Variants in AFAP1 observed in about 807,000 individuals in gnomAD.
The protein encoded by AFAP1 is actin filament associated protein 1.
A neutral mutation model predicts 93.9 loss-of-function variants in AFAP1; 75 were observed. The ratio of observed to expected loss-of-function variants is 0.80; its 90% CI spans 0.66 to 0.97. AFAP1 has a LOEUF of 0.97. AFAP1 is among the 50% of genes least tolerant of loss of function. The pLI is 0.00. For missense variants in AFAP1, 1,201 were observed against 1,050.8 expected, an observed-to-expected ratio of 1.14 and a Z score of -1.98; for synonymous variants, 517 against 430.7, an observed-to-expected ratio of 1.20 and a Z score of -2.48.
chr4:7,855,620 G>T (rs767861383), intron 3 of AFAP1, 46 bp from the exon 4 acceptor site: 3 of 1,455,526 alleles, frequency 2.1e-6, no homozygotes, highest in Non-Finnish European at 2.9e-6. Context: ...ATGACCATTA[G>T]AAGGAAATTC....
Position 7,768,830 on chromosome 4 carries a change from A to G in AFAP1, c.2418+14T>C. ...GCCCAGGACACCCAGACACCCCCGG[A>G]CATCAGGGCTTACCTTGGCCTTCCG... On this transcript the variant is annotated intron_variant, in intron 17 of 17. Coordinates refer to ENST00000420658, the MANE Select transcript of AFAP1 (RefSeq NM_001134647.2). The G allele has an allele frequency of 6.4e-7, 1 of 1,565,316 alleles. No homozygotes were observed. Among genetic ancestry groups the G allele is most frequent in the Non-Finnish European group, 8.7e-7 (1 of 1,148,568 alleles).
intron 8 of AFAP1, among the ~76,000 whole-genome samples, chr4:7,810,358 T>C (rs1270379502): frequency 6.6e-6 from 1 of 152,168 alleles, no homozygotes; most frequent in East Asian, 1.9e-4. Flanking sequence ...AGTTAATAAT[T>C]AGCCATGCAC....
At chr4:7,790,651 A>G (rs1411289127) in intron 11 of AFAP1, among the ~76,000 whole-genome samples, 3 of 152,236 alleles carry the variant, frequency 2.0e-5, no homozygotes, top group Non-Finnish European at 2.9e-5. Context: ...TACGGATCTT[A>G]TATCTCTTTA....
chr4:7,761,967 C>T lies in AFAP1; in HGVS notation c.*1798G>A, dbSNP rs893190774. The T allele has an allele frequency of 1.3e-5, 2 of 152,180 alleles. No individual in the cohort carries two copies. Among genetic ancestry groups the T allele is most frequent in the African/African-American group, 4.8e-5 (2 of 41,430 alleles). The allele number at this position is 152,180 out of a possible 1,614,324, so 9.4% of individuals were successfully genotyped here. The stretch of plus-strand genomic sequence containing the variant: ...TGTGATGGGCCTCCACGGACTAGGC[C>T]GGGAGGAACGTGCATCAGAGGGGAA... On this transcript the variant is annotated 3_prime_UTR_variant, in exon 18 of 18. Coordinates refer to ENST00000420658, the MANE Select transcript of AFAP1 (RefSeq NM_001134647.2).
chr4:7,767,432 G>A (rs758414764), intron 17 of AFAP1, among the ~76,000 whole-genome samples: 3 of 152,192 alleles, frequency 2.0e-5, no homozygotes, highest in Non-Finnish European at 4.4e-5. Context: ...TCTCTCATCT[G>A]CGAGTCCTAA....
intron 15 of AFAP1, chr4:7,774,530 G>A (rs1715886328): frequency 1.4e-6 from 1 of 720,498 alleles, no homozygotes; most frequent in South Asian, 2.2e-5. Flanking sequence ...CCTGGCCTCT[G>A]CCTGCACGCC....
chr4:7,913,516 T>C (rs938142463), intron 1 of AFAP1, among the ~76,000 whole-genome samples: 1 of 152,082 alleles, frequency 6.6e-6, no homozygotes, highest in Admixed American at 6.5e-5. Flanking sequence ...GAAAAACATA[T>C]AACTCTAAGT....
intron 1 of AFAP1, among the ~76,000 whole-genome samples, chr4:7,917,482 T>C (rs1278539773): frequency 6.6e-6 from 1 of 152,120 alleles, no homozygotes; most frequent in Non-Finnish European, 1.5e-5. Context: ...TTCCATATCA[T>C]TTGAACTATT....
intron 1 of AFAP1, among the ~76,000 whole-genome samples, chr4:7,890,004 T>TA (rs543991662): frequency 0.2 from 20,320 of 100,186 alleles, 2,230 homozygotes; most frequent in South Asian, 0.28. Flanking sequence ...CAATTTTTGT[T>TA]AAAAAAAAAA....
chr4:7,937,077 T>G (rs1018742110), intron 1 of AFAP1, among the ~76,000 whole-genome samples: 1 of 151,848 alleles, frequency 6.6e-6, no homozygotes, highest in Non-Finnish European at 1.5e-5. Context: ...ACTCCATTAA[T>G]GAGAAAAAAA....
intron 2 of AFAP1, among the ~76,000 whole-genome samples, chr4:7,869,641 C>CT (rs1260208379): frequency 2.0e-5 from 3 of 152,122 alleles, no homozygotes; most frequent in African/African-American, 7.2e-5. Flanking sequence ...GGGCACAGTA[C>CT]TATTTGTATG....
rs1371424542 is a variant in AFAP1, at chr4:7,762,478, C to G, written c.*1287G>C. 6.6e-6 allele frequency: 1 copy of G among 152,218 alleles called. No homozygotes were observed. Among genetic ancestry groups the G allele is most frequent in the Non-Finnish European group, 1.5e-5 (1 of 68,040 alleles). The allele number at this position is 152,218 out of a possible 1,614,324, so 9.4% of individuals were successfully genotyped here. A position where few individuals can be genotyped will look rare whatever the true frequency, so the allele number is the denominator to read the frequency against. The stretch of plus-strand genomic sequence containing the variant: ...TGCATCTTCCCGTACTGGAGAATTC[C>G]TGACAGCAGCCTCCGGGAGACCAAG... On this transcript the variant is annotated 3_prime_UTR_variant, in exon 18 of 18. Coordinates refer to ENST00000420658, the MANE Select transcript of AFAP1 (RefSeq NM_001134647.2).
Position 7,762,527 on chromosome 4 carries a change from AGGGG to A in AFAP1, c.*1234_*1237del, listed in dbSNP as rs1713962063. 6.6e-6 allele frequency: 1 copy of A among 152,238 alleles called. No individual in the cohort carries two copies. Among genetic ancestry groups the A allele is most frequent in the East Asian group, 1.9e-4 (1 of 5,198 alleles). The allele number at this position is 152,238 out of a possible 1,614,324, so 9.4% of individuals were successfully genotyped here. A position where few individuals can be genotyped will look rare whatever the true frequency, so the allele number is the denominator to read the frequency against. ...AGAAGTTAATCTGATTTTTAAACCC[AGGGG>A]GTAAATACCAGCTCAAACTATGAAC... On this transcript the variant is annotated 3_prime_UTR_variant, in exon 18 of 18. Coordinates refer to ENST00000420658, the MANE Select transcript of AFAP1 (RefSeq NM_001134647.2).
In AFAP1 at chr4:7,837,311, C is replaced by T. The variant is rs552224724; in HGVS notation, c.726+1213G>A. Among the ~76,000 whole-genome samples, 199 of 152,256 alleles carry T rather than the reference C, an allele frequency of 1.3e-3. 2 individuals carry two copies. The highest frequency in any genetic ancestry group is 6.8e-3 in the Middle Eastern group (2 of 294). Reference sequence around the variant, plus strand: ...AACCCTCAAGAGGATGGTGTTATGACGCAGAACCTCTGGGAGGTGACTAGG... The same window carrying T: ...AACCCTCAAGAGGATGGTGTTATGATGCAGAACCTCTGGGAGGTGACTAGG... On this transcript the variant is annotated intron_variant, in intron 6 of 17. Transcript: ENST00000420658.
chr4:7,914,033 C>T (rs1719919244), intron 1 of AFAP1, among the ~76,000 whole-genome samples: 1 of 151,832 alleles, frequency 6.6e-6, no homozygotes, highest in Non-Finnish European at 1.5e-5. Flanking sequence ...AATACCCTTC[C>T]TTCAAGTATC....
intron 14 of AFAP1, 25 bp from the exon 15 acceptor site, chr4:7,774,928 T>C (rs1294419233): frequency 6.3e-7 from 1 of 1,597,270 alleles, no homozygotes; most frequent in African/African-American, 1.4e-5. Flanking sequence ...AAAGCAGCAA[T>C]TAAAAATTAG....
At chr4:7,822,873 G>A (rs1337959907) in intron 6 of AFAP1, among the ~76,000 whole-genome samples, 4 of 151,352 alleles carry the variant, frequency 2.6e-5, no homozygotes, top group Non-Finnish European at 4.4e-5. Context: ...GATTACAGGC[G>A]TGAGCCACTG....
intron 8 of AFAP1, among the ~76,000 whole-genome samples, chr4:7,811,257 G>A (rs1431399899): frequency 7.0e-6 from 1 of 143,312 alleles, no homozygotes; most frequent in Non-Finnish European, 1.5e-5. Flanking sequence ...CAACCCGCTG[G>A]CTGCGGAGAT....
chr4:7,843,628 C>A, intron 4 of AFAP1: 1 of 350,340 alleles, frequency 2.9e-6, no homozygotes. Flanking sequence ...CCACGCTGAC[C>A]CGACACTGAC....
Sources: gnomAD v4.1 joint callset for allele counts (sites outside exome capture counted in the v4.1 genomes callset) on GRCh38, gnomAD v4.1.1 for gene constraint, MANE v1.5 for transcripts, NCBI Gene and HGNC (gene_info 2026-07-23, HGNC 2026-07-21) for gene names.